KRT72: variants seen among roughly 807,000 people sequenced by gnomAD.
KRT72 encodes the protein keratin 72, also known as keratin, type II cytoskeletal 72.
Under a neutral mutation model 44.7 loss-of-function variants are expected in KRT72, and 44 were observed. That is an observed-to-expected ratio of 0.98 (90% CI 0.77 to 1.27). The LOEUF (loss-of-function observed/expected upper bound fraction) is 1.27, where lower values mean the gene tolerates loss of function less well. Ranked by LOEUF, KRT72 falls within the 50% of genes most tolerant of loss-of-function variation. KRT72 has a pLI of 0.00. For synonymous variants in KRT72, 302 were observed against 280.4 expected, an observed-to-expected ratio of 1.08 and a Z score of -0.77; for missense variants, 736 against 667.1, an observed-to-expected ratio of 1.10 and a Z score of -1.14.
Position 52,601,242 on chromosome 12 carries a change from G to T in KRT72, c.211C>A (p.Leu71Met). 6.3e-7 allele frequency: 1 copy of T among 1,576,042 alleles called. No individual in the cohort carries two copies. The highest frequency in any genetic ancestry group is 8.6e-7 in the Non-Finnish European group (1 of 1,161,154). Residue 71 changes from leucine (L) to methionine (M), a missense_variant, in exon 1 of 9, where the codon CTG (leucine) becomes ATG (methionine). Physicochemically the swap from Leu to Met is conservative, Grantham distance 15 (BLOSUM62 2). Transcript: ENST00000293745. ...SAAARRGGGR[L>M]GGFVGTAFGS... ...AAGGCGGTGCCCACGAAGCCGCCCA[G>T]GCGGCCGCCGCCCCGCCGTGCAGCA...
At chr12:52,596,390 T>C (rs1940227324) in intron 2 of KRT72, among the ~76,000 whole-genome samples, 1 of 152,188 alleles carries the variant, frequency 6.6e-6, no homozygotes. Context: ...ATCTGCCCCA[T>C]TCAACTCATT....
Position 52,591,009 on chromosome 12 carries a change from T to G in KRT72, c.964-48A>C, listed in dbSNP as rs373832569. On this transcript the variant is annotated intron_variant, in intron 5 of 8. Transcript: ENST00000293745. ...GAGGAACACAAGGATCCTACTGAACTAGGGCAGGTCCCTTTTCTTCTGGAC... is the reference window on the plus strand; with the variant it reads ...GAGGAACACAAGGATCCTACTGAACGAGGGCAGGTCCCTTTTCTTCTGGAC... 8 of 1,521,400 alleles carry G rather than the reference T, an allele frequency of 5.3e-6. No individual in the cohort carries two copies. The African/African-American group carries it at 5.5e-5, about 10-fold the overall frequency. 94.2% of individuals were successfully genotyped at this position (1,521,400 alleles called of 1,614,324 possible). A position where few individuals can be genotyped will look rare whatever the true frequency, so the allele number is the denominator to read the frequency against.
chr12:52,589,430 CCACACACA>C (rs891985967), intron 6 of KRT72, among the ~76,000 whole-genome samples: 5 of 152,198 alleles, frequency 3.3e-5, no homozygotes, highest in Non-Finnish European at 7.4e-5. Context: ...CATGGAGTGG[CCACACACA>C]CTGTCACCTG....
Position 52,601,343 on chromosome 12 carries a change from C to G in KRT72, c.110G>C (p.Arg37Pro). Reference protein sequence around the residue: ...IGSSSASFRARVKGSASFGSK... With the variant: ...IGSSSASFRAPVKGSASFGSK... ...GCCAAAGGAGGCCGAGCCCTTGACC[C>G]GGGCCCGGAATGAGGCGGAGCTGCT... The change falls in exon 1 of 9, where the codon CGG becomes CCG. Residue 37 changes from arginine (R) to proline (P), a missense_variant. Transcript: ENST00000293745. The G allele has an allele frequency of 1.3e-6, 2 of 1,545,132 alleles. No individual in the cohort carries two copies. The highest frequency in any genetic ancestry group is 1.4e-5 in the African/African-American group (1 of 73,172).
chr12:52,599,179 C>A, intron 1 of KRT72, 67 bp from the exon 2 acceptor site: 1 of 1,506,792 alleles, frequency 6.6e-7, no homozygotes, highest in Non-Finnish European at 9.2e-7. Flanking sequence ...GGGGAAAGGG[C>A]CCCAAAAACC....
intron 2 of KRT72, among the ~76,000 whole-genome samples, chr12:52,596,171 A>G (rs1940219909): frequency 6.6e-6 from 1 of 152,230 alleles, no homozygotes; most frequent in Non-Finnish European, 1.5e-5. Context: ...AGTAAGCACT[A>G]TGGAAGAAAG....
In KRT72 at chr12:52,587,565, G is replaced by A. The variant is rs887956957; in HGVS notation, c.1310+66C>T. On this transcript the variant is annotated intron_variant, in intron 7 of 8. Transcript: ENST00000293745. ...GGACCTAAACAGGACCAAACTGTTT[G>A]CCTTGGAGCTTCCTACCAAAGCAGA... 17 of 1,548,568 alleles carry A rather than the reference G, an allele frequency of 1.1e-5. No homozygotes were observed. In the African/African-American group the frequency reaches 2.2e-4, roughly 20 times the overall value.
chr12:52,598,863 A>T, intron 2 of KRT72, 35 bp downstream of exon 2: 1 of 1,591,770 alleles, frequency 6.3e-7, no homozygotes, highest in Non-Finnish European at 8.6e-7. Flanking sequence ...TTGAAATCAG[A>T]TCCTCCAGGG....
chr12:52,587,840 C>T lies in KRT72; in HGVS notation c.1101G>A (p.Leu367=), dbSNP rs376165041. 1.2e-6 allele frequency: 2 copies of T among 1,613,866 alleles called. No homozygotes were observed. Among genetic ancestry groups the T allele is most frequent in the African/African-American group, 2.7e-5 (2 of 74,948 alleles). ...GTTCAGCGTCGGCGATGGCCGTCTC[C>T]AGATCGGCACACTGAGGGGCAAACA... is the stretch of plus-strand genomic sequence containing the variant. The part of the protein sequence containing the change: ...IGNVKKQCAD[L]ETAIADAEQR... Residue 367 remains leucine, a synonymous_variant, in exon 7 of 9, where the codon CTG becomes CTA. Transcript: ENST00000293745.
Position 52,586,929 on chromosome 12 carries a change from G to C in KRT72, c.1345+17C>G. 6.2e-7 allele frequency: 1 copy of C among 1,611,738 alleles called. No homozygotes were observed. Among genetic ancestry groups the C allele is most frequent in the Non-Finnish European group, 8.5e-7 (1 of 1,177,852 alleles). ...GTAAGGTGACCAAGGGCAGAACTGAGATCTGCAGATACTTACAGATGCTCA... is the reference window on the plus strand; with the variant it reads ...GTAAGGTGACCAAGGGCAGAACTGACATCTGCAGATACTTACAGATGCTCA... On this transcript the variant is annotated intron_variant, in intron 8 of 8. Coordinates refer to ENST00000293745, the MANE Select transcript of KRT72 (RefSeq NM_080747.3).
At chr12:52,602,771 A>G (rs568063210), upstream of KRT72, among the ~76,000 whole-genome samples, 12 of 152,362 alleles carry the variant, frequency 7.9e-5, no homozygotes, top group African/African-American at 2.9e-4. Context: ...GATACCCTGA[A>G]GGCTGGGTTC....
chr12:52,592,594 G>T, intron 3 of KRT72, 103 bp from the exon 4 acceptor site: 1 of 840,742 alleles, frequency 1.2e-6, no homozygotes, highest in Non-Finnish European at 1.9e-6. Context: ...TTCACCCTGT[G>T]CTTCATGGGG....
At position 52,586,989 on chromosome 12, in the gene KRT72, G is replaced by C; in HGVS notation, c.1311-9C>G. The C allele has an allele frequency of 6.2e-7, 1 of 1,613,616 alleles. No individual in the cohort carries two copies. The highest frequency in any genetic ancestry group is 2.2e-5 in the East Asian group (1 of 44,874). On this transcript the variant is annotated splice_polypyrimidine_tract_variant and intron_variant, in intron 7 of 8. Transcript: ENST00000293745. ...GATATTCGCCAGACATCCTGAAGAA[G>C]GAGAAGAAAAACAGGTAAATCCCCC...
chr12:52,591,702 C>A (rs1940037476), intron 4 of KRT72, 74 bp from the exon 5 acceptor site: 4 of 1,414,596 alleles, frequency 2.8e-6, no homozygotes, highest in Non-Finnish European at 3.9e-6. Flanking sequence ...CCTCCCTGGG[C>A]AAATTCCTCA....
chr12:52,601,507 G>A (rs1019769585), upstream of KRT72: 21 of 1,511,944 alleles, frequency 1.4e-5, no homozygotes, highest in Middle Eastern at 4.0e-4. Flanking sequence ...GCAAACAGCC[G>A]CTGCGTTCTC....
chr12:52,597,954 T>C (rs932023796), intron 2 of KRT72, among the ~76,000 whole-genome samples: 1 of 152,362 alleles, frequency 6.6e-6, no homozygotes, highest in Middle Eastern at 3.4e-3. Flanking sequence ...GCACTGCCCC[T>C]GGACGCCTCC....
chr12:52,598,633 A>AGGCATTTGGGTTGTCCATCTGGGTTG (rs1940301239), intron 2 of KRT72, among the ~76,000 whole-genome samples: 2 of 152,210 alleles, frequency 1.3e-5, no homozygotes, highest in Non-Finnish European at 2.9e-5. Flanking sequence ...GGAACTACAA[A>AGGCATTTGGGTTGTCCATCTGGGTTG]GGCATTTGGG....
chr12:52,601,286 C>T lies in KRT72; in HGVS notation c.167G>A (p.Arg56Gln). 6.4e-7 allele frequency: 1 copy of T among 1,550,606 alleles called. No individual in the cohort carries two copies. The highest frequency in any genetic ancestry group is 8.7e-7 in the Non-Finnish European group (1 of 1,148,506). The change falls in exon 1 of 9, where the codon CGA (arginine) becomes CAA (glutamine). Residue 56 changes from arginine to glutamine, a missense_variant. By Grantham distance (43) the Arg-to-Gln change is conservative. Transcript: ENST00000293745. Reference protein sequence around the residue: ...SKSLSCLGGSRSLALSAAARR... With the variant: ...SKSLSCLGGSQSLALSAAARR... Reference sequence around the variant, plus strand: ...TGCAGCAGCGCTGAGCGCCAGGCTTCGGCTGCCCCCAAGGCAGGAGAGGCT... The same window carrying T: ...TGCAGCAGCGCTGAGCGCCAGGCTTTGGCTGCCCCCAAGGCAGGAGAGGCT...
chr12:52,588,491 A>G (rs1939868011), intron 6 of KRT72, among the ~76,000 whole-genome samples: 1 of 152,178 alleles, frequency 6.6e-6, no homozygotes, highest in Non-Finnish European at 1.5e-5. Flanking sequence ...TGCACACTGG[A>G]GCCTGTTGGC....
Sources: gnomAD v4.1 joint callset for allele counts (sites outside exome capture counted in the v4.1 genomes callset) on GRCh38, gnomAD v4.1.1 for gene constraint, MANE v1.5 for transcripts, NCBI Gene and HGNC (gene_info 2026-07-23, HGNC 2026-07-21) for gene names.